RBFOX1: variants seen among roughly 807,000 people sequenced by gnomAD.
RBFOX1 encodes RNA binding protein fox-1 homolog 1.
Under a neutral mutation model 57.7 loss-of-function variants are expected in RBFOX1, and 8 were observed. The observed-to-expected ratio is 0.14, with a 90% CI of 0.08 to 0.25. RBFOX1 has a LOEUF of 0.25. RBFOX1 is among the 10% of genes least tolerant of loss of function. The probability of loss-of-function intolerance (pLI) is 1.00; values close to 1 mark genes in which losing one functional copy is unlikely to be tolerated. For missense variants in RBFOX1, 611 were observed against 548.5 expected (o/e 1.11, Z -1.14); for synonymous variants, 326 against 222.4 (o/e 1.47, Z -4.15).
chr16:6,165,610 G>A (rs118017745), intron 1 of RBFOX1, among the ~76,000 whole-genome samples: 2,796 of 152,322 alleles, frequency 0.018, 28 homozygotes, highest in Non-Finnish European at 0.028. Context: ...ATGTCAGGGT[G>A]TTGTAGCTGG....
chr16:5,462,200 G>A (rs556142968), intron 1 of RBFOX1, among the ~76,000 whole-genome samples: 37 of 129,084 alleles, frequency 2.9e-4, no homozygotes, highest in African/African-American at 1.1e-3. Context: ...ATGGAGTCTC[G>A]CTCTGTCACC....
chr16:6,505,504 C>T (rs998290532), intron 2 of RBFOX1, among the ~76,000 whole-genome samples: 3 of 152,168 alleles, frequency 2.0e-5, no homozygotes, highest in African/African-American at 2.4e-5. Flanking sequence ...TTCTCGAATG[C>T]AGTTTTTAGA....
chr16:5,446,944 T>TA (rs1353591158), intron 1 of RBFOX1, among the ~76,000 whole-genome samples: 1 of 152,142 alleles, frequency 6.6e-6, no homozygotes, highest in East Asian at 1.9e-4. Context: ...CATGGATTAC[T>TA]AACAACTCCC....
intron 3 of RBFOX1, among the ~76,000 whole-genome samples, chr16:6,809,203 A>G (rs1017425455): frequency 2.0e-5 from 3 of 151,960 alleles, no homozygotes; most frequent in Non-Finnish European, 4.4e-5. Flanking sequence ...TTCTTTCACC[A>G]CCTTGGCTAC....
chr16:5,476,407 A>C (rs1444426037), intron 2 of RBFOX1, among the ~76,000 whole-genome samples: 1 of 152,190 alleles, frequency 6.6e-6, no homozygotes, highest in Non-Finnish European at 1.5e-5. Context: ...TGTGATTGCA[A>C]GATTCTCCAT....
intron 3 of RBFOX1, among the ~76,000 whole-genome samples, chr16:5,763,270 A>T (rs558599774): frequency 6.6e-6 from 1 of 152,220 alleles, no homozygotes; most frequent in South Asian, 2.1e-4. Context: ...TTTGGCCTGG[A>T]CCCTCCTTAG....
chr16:7,345,127 A>T (rs1026554730), intron 4 of RBFOX1, among the ~76,000 whole-genome samples: 1 of 152,198 alleles, frequency 6.6e-6, no homozygotes, highest in Non-Finnish European at 1.5e-5. Flanking sequence ...ACCTGGAAAT[A>T]CACTTTCTGT....
intron 4 of RBFOX1, among the ~76,000 whole-genome samples, chr16:7,429,292 A>G (rs1375337993): frequency 6.6e-6 from 1 of 152,120 alleles, no homozygotes; most frequent in Non-Finnish European, 1.5e-5. Flanking sequence ...CTGCTGAAGC[A>G]CTCAGGGATC....
intron 4 of RBFOX1, among the ~76,000 whole-genome samples, chr16:7,102,871 C>G (rs543531891): frequency 6.6e-5 from 10 of 152,112 alleles, no homozygotes; most frequent in African/African-American, 2.2e-4. Context: ...AAATCCAAAA[C>G]GCATGCACTT....
chr16:5,546,733 T>C (rs1395074636), intron 2 of RBFOX1, among the ~76,000 whole-genome samples: 2 of 152,222 alleles, frequency 1.3e-5, no homozygotes, highest in African/African-American at 4.8e-5. Flanking sequence ...AAACAAGACC[T>C]ATTAAAAATG....
chr16:6,998,744 G>C (rs1364916685), intron 3 of RBFOX1, among the ~76,000 whole-genome samples: 3 of 152,046 alleles, frequency 2.0e-5, no homozygotes, highest in Non-Finnish European at 4.4e-5. Flanking sequence ...AATATATCAG[G>C]CTCTCTTGAG....
At chr16:6,772,250 A>G (rs182036118) in intron 3 of RBFOX1, among the ~76,000 whole-genome samples, 124 of 152,266 alleles carry the variant, frequency 8.1e-4, no homozygotes, top group Middle Eastern at 3.4e-3. Flanking sequence ...CATATTTTAT[A>G]TACAACTGCA....
At chr16:6,255,169 A>G (rs79202144) in intron 1 of RBFOX1, among the ~76,000 whole-genome samples, 1,853 of 152,208 alleles carry the variant, frequency 0.012, 19 homozygotes, top group Non-Finnish European at 0.019. Context: ...ACCTGGAAAC[A>G]TTTCCATATC....
chr16:5,936,441 T>C (rs1207856557), intron 4 of RBFOX1, among the ~76,000 whole-genome samples: 1 of 152,060 alleles, frequency 6.6e-6, no homozygotes, highest in Non-Finnish European at 1.5e-5. Flanking sequence ...AGGAATTTTG[T>C]TTGGAAAAAT....
chr16:6,581,920 A>G (rs2097542107), intron 2 of RBFOX1, among the ~76,000 whole-genome samples: 1 of 152,224 alleles, frequency 6.6e-6, no homozygotes, highest in Admixed American at 6.5e-5. Context: ...GCATTCATAT[A>G]AACCAATCGT....
At chr16:6,228,494 A>G (rs1425594026) in intron 1 of RBFOX1, among the ~76,000 whole-genome samples, 1 of 152,166 alleles carries the variant, frequency 6.6e-6, no homozygotes, top group Admixed American at 6.6e-5. Context: ...AAAAAGAAGG[A>G]AATTCTGCCC....
chr16:7,475,925 A>G (rs2062591768), intron 4 of RBFOX1, among the ~76,000 whole-genome samples: 1 of 152,188 alleles, frequency 6.6e-6, no homozygotes, highest in South Asian at 2.1e-4. Context: ...GCAGTGTAGT[A>G]ACCTGCAGAA....
At chr16:6,650,662 C>A (rs1362878774) in intron 2 of RBFOX1, among the ~76,000 whole-genome samples, 1 of 152,174 alleles carries the variant, frequency 6.6e-6, no homozygotes, top group Non-Finnish European at 1.5e-5. Context: ...GTCTGTTCTA[C>A]ATAAAACAAG....
chr16:7,445,904 C>T (rs1050831571), intron 4 of RBFOX1, among the ~76,000 whole-genome samples: 1 of 152,098 alleles, frequency 6.6e-6, no homozygotes, highest in African/African-American at 2.4e-5. Flanking sequence ...GAGTATTTTC[C>T]ATTTTAGTTT....
Sources: gnomAD v4.1 joint callset for allele counts (sites outside exome capture counted in the v4.1 genomes callset) on GRCh38, gnomAD v4.1.1 for gene constraint, MANE v1.5 for transcripts, NCBI Gene and HGNC (gene_info 2026-07-23, HGNC 2026-07-21) for gene names.